Variants in ENAH observed in about 807,000 individuals in gnomAD.
ENAH encodes ENAH actin regulator.
Under a neutral mutation model 78.7 loss-of-function variants are expected in ENAH, and 23 were observed. That is an observed-to-expected ratio of 0.29 (90% confidence interval 0.21 to 0.41). ENAH has a LOEUF of 0.41. Ranked by LOEUF, ENAH falls within the 10% of genes least tolerant of loss-of-function variation. ENAH has a pLI of 1.00. For synonymous variants in ENAH, 226 were observed against 241.0 expected (o/e 0.94, Z 0.58); for missense variants, 544 against 691.0 (o/e 0.79, Z 2.39).
At chr1:225,576,636 G>A (rs926355931) in intron 1 of ENAH, among the ~76,000 whole-genome samples, 1 of 151,958 alleles carries the variant, frequency 6.6e-6, no homozygotes, top group African/African-American at 2.4e-5. Flanking sequence ...AAGCTTTACA[G>A]CAAAAGACTA....
intron 11 of ENAH, chr1:225,505,078 G>A (rs202002430): frequency 1.9e-6 from 3 of 1,552,844 alleles, no homozygotes; most frequent in Non-Finnish European, 2.7e-6. Context: ...ACCATTGAAA[G>A]GGATACACAA....
intron 3 of ENAH, among the ~76,000 whole-genome samples, chr1:225,532,966 C>T (rs1305408770): frequency 6.6e-6 from 1 of 151,878 alleles, no homozygotes; most frequent in Non-Finnish European, 1.5e-5. Flanking sequence ...GATTTTTGGG[C>T]TTTTTGTCTT....
chr1:225,592,475 T>C (rs1369413494), intron 1 of ENAH, among the ~76,000 whole-genome samples: 1 of 152,204 alleles, frequency 6.6e-6, no homozygotes, highest in African/African-American at 2.4e-5. Context: ...AAAGTGGTTA[T>C]CTGTCAATCT....
intron 1 of ENAH, among the ~76,000 whole-genome samples, chr1:225,600,145 T>A (rs1434434305): frequency 6.6e-6 from 1 of 152,214 alleles, no homozygotes; most frequent in African/African-American, 2.4e-5. Context: ...CTTCTCTTTA[T>A]AAATTACCTA....
At chr1:225,610,856 C>A (rs2096984409) in intron 1 of ENAH, among the ~76,000 whole-genome samples, 1 of 152,116 alleles carries the variant, frequency 6.6e-6, no homozygotes, top group African/African-American at 2.4e-5. Flanking sequence ...TTATAAGATC[C>A]AAAAACTGCA....
intron 1 of ENAH, among the ~76,000 whole-genome samples, chr1:225,600,176 G>A (rs2096923454): frequency 3.9e-5 from 6 of 152,114 alleles, no homozygotes; most frequent in Non-Finnish European, 8.8e-5. Context: ...TTTCTTTAGA[G>A]CAACACAAAA....
At chr1:225,527,947 C>T (rs2096518286) in intron 4 of ENAH, among the ~76,000 whole-genome samples, 1 of 152,106 alleles carries the variant, frequency 6.6e-6, no homozygotes, top group African/African-American at 2.4e-5. Context: ...TAGGTAATGT[C>T]TTCCCTAGCA....
At chr1:225,544,053 C>T (rs559935966) in intron 3 of ENAH, among the ~76,000 whole-genome samples, 1 of 152,274 alleles carries the variant, frequency 6.6e-6, no homozygotes, top group South Asian at 2.1e-4. Context: ...TTGGCTGCTG[C>T]TGTGTGTTGT....
At chr1:225,600,859 A>T (rs1023957521) in intron 1 of ENAH, among the ~76,000 whole-genome samples, 6 of 152,102 alleles carry the variant, frequency 3.9e-5, no homozygotes, top group African/African-American at 9.7e-5. Context: ...AGCTTTAAAC[A>T]TTTACCAGGA....
intron 3 of ENAH, among the ~76,000 whole-genome samples, chr1:225,543,018 T>TAA (rs74643486): frequency 8.2e-5 from 11 of 134,474 alleles, no homozygotes; most frequent in South Asian, 4.8e-4. Context: ...GACTCTCTCT[T>TAA]AAAAAAAAAA....
intron 3 of ENAH, among the ~76,000 whole-genome samples, chr1:225,548,783 C>T (rs181867207): frequency 1.2e-3 from 175 of 150,950 alleles, no homozygotes; most frequent in Non-Finnish European, 3.2e-4. Flanking sequence ...GGCAGACCTA[C>T]GAAAAGACTG....
At chr1:225,616,071 G>A (rs2097029857) in intron 1 of ENAH, among the ~76,000 whole-genome samples, 1 of 152,066 alleles carries the variant, frequency 6.6e-6, no homozygotes, top group Non-Finnish European at 1.5e-5. Flanking sequence ...TGTCCACTCA[G>A]GGTTAAATGG....
intron 3 of ENAH, among the ~76,000 whole-genome samples, chr1:225,552,778 T>TC (rs2096647526): frequency 1.3e-5 from 2 of 152,200 alleles, no homozygotes; most frequent in African/African-American, 2.4e-5. Flanking sequence ...GAAGCCTTTT[T>TC]CCCACACTAA....
intron 11 of ENAH, among the ~76,000 whole-genome samples, chr1:225,504,662 G>A (rs2096311727): frequency 1.3e-5 from 2 of 152,264 alleles, no homozygotes; most frequent in South Asian, 4.1e-4. Flanking sequence ...TCCAGTAACA[G>A]ATGGAAAAGG....
At chr1:225,612,716 T>C (rs1558907019) in intron 1 of ENAH, among the ~76,000 whole-genome samples, 1 of 152,216 alleles carries the variant, frequency 6.6e-6, no homozygotes, top group Non-Finnish European at 1.5e-5. Context: ...TGCCAAATAT[T>C]CTGGCAATAA....
rs1355967072 is a variant in ENAH at position 225,494,113 on chromosome 1, T to C, written c.*3662A>G. On this transcript the variant is annotated 3_prime_UTR_variant, in exon 14 of 14. Transcript: ENST00000366843. ...TGAAAATTTTACAACTGTAACTCTG[T>C]AATGGCTGCAAATGTTAATGAATAT... 1.5e-5 allele frequency: 2 copies of C among 132,560 alleles called. No homozygotes were observed. The highest frequency in any genetic ancestry group is 1.5e-4 in the Admixed American group (2 of 12,934). The allele number at this position is 132,560 out of a possible 1,614,324, so 8.2% of individuals were successfully genotyped here.
At chr1:225,528,986 T>C (rs2096524953) in intron 4 of ENAH, among the ~76,000 whole-genome samples, 1 of 151,900 alleles carries the variant, frequency 6.6e-6, no homozygotes, top group Non-Finnish European at 1.5e-5. Context: ...TTCTATCACC[T>C]GGGGGAAGCC....
chr1:225,595,938 G>A (rs1347284830), intron 1 of ENAH, among the ~76,000 whole-genome samples: 2 of 152,148 alleles, frequency 1.3e-5, no homozygotes, highest in East Asian at 3.8e-4. Flanking sequence ...TGCAATGTCT[G>A]CAACTGAACT....
chr1:225,620,580 G>C (rs1048972691), intron 1 of ENAH, among the ~76,000 whole-genome samples: 1 of 151,942 alleles, frequency 6.6e-6, no homozygotes. Context: ...ATGCAACTTG[G>C]GATACTTGAT....
Sources: allele counts gnomAD v4.1 joint callset (sites outside exome capture counted in the v4.1 genomes callset), GRCh38; gene constraint gnomAD v4.1.1; transcripts MANE v1.5; gene names NCBI Gene and HGNC (gene_info 2026-07-23, HGNC 2026-07-21).